SGSM2: variants seen among roughly 807,000 people sequenced by gnomAD.
SGSM2 encodes RUN and TBC1 domain containing 1.
A neutral mutation model predicts 126.6 loss-of-function variants in SGSM2; 89 were observed. That is an observed-to-expected ratio of 0.70 (90% confidence interval 0.59 to 0.84). SGSM2 has a LOEUF of 0.84. Among genes scored for constraint, SGSM2 ranks in the 40% least tolerant of loss-of-function variants. The pLI is 0.00. For synonymous variants in SGSM2, 614 were observed against 574.3 expected, an observed-to-expected ratio of 1.07 and a Z score of -0.99; for missense variants, 1,404 against 1,416.6, an observed-to-expected ratio of 0.99 and a Z score of 0.14.
In SGSM2 at chr17:2,372,754, A is replaced by G; in HGVS notation, c.1789-199A>G. ...TCCGGGCGCCATTTCCTGCCCCTTA[A>G]GGAAGGAGAGCAGAACGAGATCTCA... On this transcript the variant is annotated intron_variant, in intron 15 of 23. Coordinates refer to ENST00000268989, the MANE Select transcript of SGSM2 (RefSeq NM_014853.3). This position sits in a 1 kb window ranked among gnomAD's most constrained non-coding sequence, Gnocchi z 6.0. 1.2e-6 allele frequency: 1 copy of G among 841,040 alleles called. No homozygotes were observed. Among genetic ancestry groups the G allele is most frequent in the Admixed American group, 2.9e-5 (1 of 34,096 alleles). 52.1% of individuals were successfully genotyped at this position (841,040 alleles called of 1,614,324 possible). A position where few individuals can be genotyped will look rare whatever the true frequency, so the allele number is the denominator to read the frequency against.
chr17:2,372,634 C>T lies in SGSM2; in HGVS notation c.1788+146C>T. ...ACCAGGGTCCCGGCAGAATCTCTTG[C>T]AGCTGGGCCTGGGGCTGACACGGGA... On this transcript the variant is annotated intron_variant, in intron 15 of 23. Transcript: ENST00000268989. This position sits in a 1 kb window ranked among gnomAD's most constrained non-coding sequence, Gnocchi z 6.0. The T allele has an allele frequency of 3.4e-6, 4 of 1,191,178 alleles. No individual in the cohort carries two copies. Among genetic ancestry groups the T allele is most frequent in the South Asian group, 1.4e-5 (1 of 71,152 alleles). 73.8% of individuals were successfully genotyped at this position (1,191,178 alleles called of 1,614,324 possible).
In SGSM2 at chr17:2,337,894, C is replaced by T. The variant is rs1351547899; in HGVS notation, c.57+149C>T. On this transcript the variant is annotated intron_variant, in intron 1 of 23. Transcript: ENST00000268989. This position sits in a 1 kb window ranked among gnomAD's most constrained non-coding sequence, Gnocchi z 5.1. ...TCCTGGACGGGCTGCGCCTCCTTCCCCTTTCTCGGATGGGGGAGGGCAGCG... is the reference window on the plus strand; with the variant it reads ...TCCTGGACGGGCTGCGCCTCCTTCCTCTTTCTCGGATGGGGGAGGGCAGCG... 4.7e-6 allele frequency: 2 copies of T among 427,948 alleles called. No homozygotes were observed. The highest frequency in any genetic ancestry group is 7.8e-6 in the Non-Finnish European group (2 of 256,284). The allele number at this position is 427,948 out of a possible 1,614,324, so 26.5% of individuals were successfully genotyped here.
In SGSM2 at chr17:2,376,954, C is replaced by T. The variant is rs769656499; in HGVS notation, c.2693-5C>T. ...CCTGCCAGCTTCACTCCTGTCTCCCCTCAGATCAGCTGGCCTACAGCTGCT... is the reference window on the plus strand; with the variant it reads ...CCTGCCAGCTTCACTCCTGTCTCCCTTCAGATCAGCTGGCCTACAGCTGCT... On this transcript the variant is annotated splice_polypyrimidine_tract_variant and splice_region_variant and intron_variant, in intron 20 of 23. Coordinates refer to ENST00000268989, the MANE Select transcript of SGSM2 (RefSeq NM_014853.3). The T allele has an allele frequency of 1.9e-6, 3 of 1,612,100 alleles. No individual in the cohort carries two copies. Among genetic ancestry groups the T allele is most frequent in the East Asian group, 2.2e-5 (1 of 44,858 alleles).
chr17:2,348,185 C>G (rs1334316859), intron 2 of SGSM2, among the ~76,000 whole-genome samples: 1 of 152,194 alleles, frequency 6.6e-6, no homozygotes, highest in Non-Finnish European at 1.5e-5. Context: ...TGCTAATAAG[C>G]TGGGAGAGAA....
intron 2 of SGSM2, among the ~76,000 whole-genome samples, chr17:2,350,358 G>A (rs1020784793): frequency 2.0e-5 from 3 of 151,228 alleles, no homozygotes; most frequent in African/African-American, 4.9e-5. Flanking sequence ...ACCTGTAATC[G>A]CAGCACTTTG....
chr17:2,357,561 G>A (rs536823593), intron 2 of SGSM2, among the ~76,000 whole-genome samples: 3 of 152,098 alleles, frequency 2.0e-5, no homozygotes, highest in Non-Finnish European at 2.9e-5. Flanking sequence ...GCAATGGCGC[G>A]ATCTCAACTC....
chr17:2,379,319 CG>C (rs1567855835), intron 23 of SGSM2, 112 bp from the exon 24 acceptor site: 1 of 1,564,614 alleles, frequency 6.4e-7, no homozygotes, highest in East Asian at 2.3e-5. Context: ...CCCCAAAGGC[CG>C]GGATGTCAAG....
At chr17:2,377,634 T>C (rs2066237305) in intron 21 of SGSM2, 1 of 418,406 alleles carries the variant, frequency 2.4e-6, no homozygotes, top group Admixed American at 4.0e-5. Context: ...CTAAAAATAA[T>C]GCAGCTCAGA....
Position 2,337,542 on chromosome 17 carries a change from A to G in SGSM2, c.-147A>G. On this transcript the variant is annotated 5_prime_UTR_variant, in exon 1 of 24. Transcript: ENST00000268989. The surrounding 1 kb of genome is among the most constrained non-coding windows in gnomAD (Gnocchi z 5.1). ...ATGGCTGCGGAGCCGAGCACCGGGC[A>G]GTGGCTGCGGCGGCGGCGGCGGCGG... 4.0e-6 allele frequency: 1 copy of G among 249,464 alleles called. No homozygotes were observed. The highest frequency in any genetic ancestry group is 6.6e-6 in the Non-Finnish European group (1 of 150,438). The allele number at this position is 249,464 out of a possible 1,614,324, so 15.5% of individuals were successfully genotyped here.
Position 2,379,644 on chromosome 17 carries a change from G to T in SGSM2, c.*124G>T. ...CACCTCTGTTCCTAACAAAGCGGTT[G>T]TGAGCCTGGATCCGACTCCCGGCAG... On this transcript the variant is annotated 3_prime_UTR_variant, in exon 24 of 24. Coordinates refer to ENST00000268989, the MANE Select transcript of SGSM2 (RefSeq NM_014853.3). The T allele has an allele frequency of 6.8e-7, 1 of 1,475,400 alleles. No individual in the cohort carries two copies. The highest frequency in any genetic ancestry group is 1.3e-5 in the South Asian group (1 of 75,634). 91.4% of individuals were successfully genotyped at this position (1,475,400 alleles called of 1,614,324 possible).
chr17:2,373,423 C>A lies in SGSM2; in HGVS notation c.2010C>A (p.His670Gln), dbSNP rs758279309. 31 of 1,611,616 alleles carry A rather than the reference C, an allele frequency of 1.9e-5. No homozygotes were observed. The Admixed American group carries it at 2.5e-4, about 13-fold the overall frequency. The change falls in exon 17 of 24, where the codon CAC becomes CAA. Residue 670 changes from histidine to glutamine, a missense_variant. Coordinates refer to ENST00000268989, the MANE Select transcript of SGSM2 (RefSeq NM_014853.3). ...VVVRQREREA[H>Q]PATRTKFSSG... ...TGAGGCAGCGGGAGCGGGAGGCCCA[C>A]CCAGCCACACGCACCAAGTTCTCCT...
chr17:2,373,428 C>G lies in SGSM2; in HGVS notation c.2015C>G (p.Ala672Gly), dbSNP rs1288375585. The change falls in exon 17 of 24, where the codon GCC (alanine) becomes GGC (glycine). Residue 672 changes from alanine (A) to glycine (G), a missense_variant. Physicochemically the swap from Ala to Gly is moderately conservative, Grantham distance 60. Coordinates refer to ENST00000268989, the MANE Select transcript of SGSM2 (RefSeq NM_014853.3). ...CAGCGGGAGCGGGAGGCCCACCCAG[C>G]CACACGCACCAAGTTCTCCTCAGGC... ...VRQREREAHPATRTKFSSGSS... is the reference protein window; with the variant it reads ...VRQREREAHPGTRTKFSSGSS... 1 of 1,611,294 alleles carries G rather than the reference C, an allele frequency of 6.2e-7. No homozygotes were observed. The highest frequency in any genetic ancestry group is 8.5e-7 in the Non-Finnish European group (1 of 1,179,972).
chr17:2,377,112 G>A, intron 21 of SGSM2, 44 bp downstream of exon 21: 1 of 1,277,784 alleles, frequency 7.8e-7, no homozygotes, highest in Non-Finnish European at 1.1e-6. Flanking sequence ...AGGCAGTGCT[G>A]GGCTGGTCCA....
chr17:2,366,885 C>T (rs1177266950), intron 11 of SGSM2: 1 of 181,150 alleles, frequency 5.5e-6, no homozygotes, highest in Non-Finnish European at 1.2e-5. Flanking sequence ...TTGGTCCAGC[C>T]TGAGAGGAGC....
At chr17:2,345,726 C>T (rs545249550) in intron 2 of SGSM2, among the ~76,000 whole-genome samples, 9 of 152,002 alleles carry the variant, frequency 5.9e-5, no homozygotes, top group East Asian at 5.8e-4. Context: ...GTTTTGGGTT[C>T]GGTACAGTCA....
Position 2,380,402 on chromosome 17 carries a change from CAG to C in SGSM2, c.*883_*884del. The C allele has an allele frequency of 8.5e-7, 1 of 1,175,414 alleles. No individual in the cohort carries two copies. Among genetic ancestry groups the C allele is most frequent in the South Asian group, 1.3e-5 (1 of 76,128 alleles). 72.8% of individuals were successfully genotyped at this position (1,175,414 alleles called of 1,614,324 possible). ...TCCGGTCACAGCCTCCCCTCAGAGACAGGCCTCAGTTCGAGGGCAGCCCATTA... is the reference window on the plus strand; with the variant it reads ...TCCGGTCACAGCCTCCCCTCAGAGACGCCTCAGTTCGAGGGCAGCCCATTA... On this transcript the variant is annotated 3_prime_UTR_variant, in exon 24 of 24. Transcript: ENST00000268989.
chr17:2,375,824 A>C lies in SGSM2; in HGVS notation c.2433A>C (p.Gly811=), dbSNP rs533397484. 4.5e-6 allele frequency: 7 copies of C among 1,549,548 alleles called. No homozygotes were observed. The highest frequency in any genetic ancestry group is 2.3e-5 in the East Asian group (1 of 44,362). The part of the protein sequence containing the change: ...QDPSQEKPQA[G]ELEAGEELAA... The stretch of plus-strand genomic sequence containing the variant: ...CCAGCCAGGAGAAGCCTCAGGCCGG[A>C]GAACTGGAGGCCGGAGAGGAGCTTG... The change falls in exon 18 of 24, where the codon GGA becomes GGC. Residue 811 remains glycine (G), a synonymous_variant. Transcript: ENST00000268989.
At chr17:2,370,663 G>A (rs2065824894) in intron 12 of SGSM2, among the ~76,000 whole-genome samples, 1 of 152,232 alleles carries the variant, frequency 6.6e-6, no homozygotes, top group Non-Finnish European at 1.5e-5. Flanking sequence ...TGACAGCAGG[G>A]GTACCTGGCC....
intron 2 of SGSM2, among the ~76,000 whole-genome samples, chr17:2,354,691 C>T (rs970529951): frequency 5.9e-5 from 9 of 152,212 alleles, no homozygotes; most frequent in Non-Finnish European, 8.8e-5. Flanking sequence ...GGCCATATTG[C>T]GTCTATACGG....
Sources: allele counts gnomAD v4.1 joint callset (sites outside exome capture counted in the v4.1 genomes callset), GRCh38; gene constraint gnomAD v4.1.1; non-coding constraint Gnocchi (gnomAD v3.1); transcripts MANE v1.5; gene names NCBI Gene and HGNC (gene_info 2026-07-23, HGNC 2026-07-21).